GSTZ1: variants seen among roughly 807,000 people sequenced by gnomAD.
GSTZ1 encodes glutathione S-transferase zeta 1.
Under a neutral mutation model 35.9 loss-of-function variants are expected in GSTZ1, and 34 were observed. The ratio of observed to expected loss-of-function variants is 0.95; its 90% confidence interval spans 0.72 to 1.26. The LOEUF (loss-of-function observed/expected upper bound fraction) is 1.26, where lower values mean the gene tolerates loss of function less well. Ranked by LOEUF, GSTZ1 falls within the 50% of genes most tolerant of loss-of-function variation. GSTZ1 has a pLI of 0.00. For synonymous variants in GSTZ1, 93 were observed against 101.2 expected, an observed-to-expected ratio of 0.92 and a Z score of 0.49; for missense variants, 263 against 271.7, an observed-to-expected ratio of 0.97 and a Z score of 0.23.
In GSTZ1 at chr14:77,329,268, G is replaced by C. The variant is rs780273592; in HGVS notation, c.421+67G>C. On this transcript the variant is annotated intron_variant, in intron 6 of 8. Transcript: ENST00000216465. The stretch of plus-strand genomic sequence containing the variant: ...AGAGGTATGGCCCTCGCACACAGGG[G>C]CCTGGGTATCTGAACCAGCCTCCCA... 5 of 1,065,622 alleles carry C rather than the reference G, an allele frequency of 4.7e-6. No homozygotes were observed. The African/African-American group carries it at 6.2e-5, about 13-fold the overall frequency. 66.0% of individuals were successfully genotyped at this position (1,065,622 alleles called of 1,614,324 possible).
At chr14:77,328,073 GAC>G (rs779434382) in intron 5 of GSTZ1, 36 bp downstream of exon 5, 45 of 1,610,072 alleles carry the variant, frequency 2.8e-5, no homozygotes, top group Non-Finnish European at 2.2e-5. Context: ...TTGCACACCT[GAC>G]ACACTCTTAC....
At position 77,331,049 on chromosome 14, in the gene GSTZ1, C is replaced by T; in HGVS notation, c.525-20C>T. ...TGTGTCCCTGAAAACCTTAGCTTAG[C>T]AGGTGTTTCTCTACTACAGATTCAA... On this transcript the variant is annotated intron_variant, in intron 8 of 8. Transcript: ENST00000216465. The T allele has an allele frequency of 6.2e-7, 1 of 1,610,360 alleles. No individual in the cohort carries two copies. Among genetic ancestry groups the T allele is most frequent in the Non-Finnish European group, 8.5e-7 (1 of 1,177,204 alleles).
chr14:77,324,152 CT>C (rs11287763), intron 1 of GSTZ1: 32,659 of 117,496 alleles, frequency 0.28, 2,761 homozygotes, highest in East Asian at 0.32. Context: ...AAAAAAATGC[CT>C]TTTTTTTTTT....
At chr14:77,326,040 G>A (rs1892298721) in intron 2 of GSTZ1, 1 of 152,308 alleles carries the variant, frequency 6.6e-6, no homozygotes, top group Admixed American at 6.5e-5. Flanking sequence ...TGACATGTCT[G>A]GTCCTCCTCC....
intron 7 of GSTZ1, 103 bp from the exon 8 acceptor site, chr14:77,330,207 G>A (rs757649333): frequency 2.4e-6 from 2 of 849,828 alleles, no homozygotes; most frequent in South Asian, 1.3e-5. Flanking sequence ...AAGAGCCGAA[G>A]CAGATTGTTG....
chr14:77,325,888 A>T (rs966894666), intron 2 of GSTZ1: 1 of 152,242 alleles, frequency 6.6e-6, no homozygotes, highest in Non-Finnish European at 1.5e-5. Context: ...AAGCCGGAGC[A>T]ATATAGGTGC....
intron 1 of GSTZ1, chr14:77,321,476 C>G (rs754024163): frequency 1.3e-6 from 2 of 1,488,342 alleles, no homozygotes; most frequent in Admixed American, 2.1e-5. Flanking sequence ...CATAACAGAC[C>G]CCTCCCTCCA....
At chr14:77,328,226 C>T (rs1371005735) in intron 5 of GSTZ1, 189 bp downstream of exon 5, 3 of 624,396 alleles carry the variant, frequency 4.8e-6, no homozygotes, top group Non-Finnish European at 8.3e-6. Context: ...CCCAGCGGGT[C>T]CCCCGCTGCG....
intron 1 of GSTZ1, chr14:77,324,287 C>T: frequency 2.6e-6 from 1 of 389,092 alleles, no homozygotes; most frequent in Non-Finnish European, 4.9e-6. Context: ...AGATTACAGG[C>T]ACCCACTACC....
Position 77,329,395 on chromosome 14 carries a change from G to A in GSTZ1, c.421+194G>A, listed in dbSNP as rs116741076. The A allele has an allele frequency of 1.6e-3, 987 of 609,890 alleles. 9 individuals carry two copies. In the African/African-American group the frequency reaches 0.016, roughly 10 times the overall value. The allele number at this position is 609,890 out of a possible 1,614,324, so 37.8% of individuals were successfully genotyped here. ...TAGCTCCAGCACTTCTGGGAACCTC[G>A]GTCCCTGAGCCCACAGCCCTTCATA... is the stretch of plus-strand genomic sequence containing the variant. On this transcript the variant is annotated intron_variant, in intron 6 of 8. Transcript: ENST00000216465.
At chr14:77,327,184 G>T in intron 3 of GSTZ1, 3 of 594,446 alleles carry the variant, frequency 5.0e-6, no homozygotes, top group Non-Finnish European at 9.0e-6. Context: ...ACCCCATACT[G>T]GGCCCTCTGG....
intron 6 of GSTZ1, 36 bp downstream of exon 6, chr14:77,329,237 C>G (rs778152963): frequency 3.0e-5 from 40 of 1,354,730 alleles, no homozygotes; most frequent in Non-Finnish European, 4.2e-5. Context: ...CCCACAGTGG[C>G]CTCTTAGAGG....
intron 1 of GSTZ1, chr14:77,321,485 C>T (rs1232053993): frequency 1.6e-5 from 24 of 1,454,728 alleles, no homozygotes; most frequent in African/African-American, 2.8e-5. Flanking sequence ...CCCCTCCCTC[C>T]ACTAAGGCTT....
At chr14:77,329,288 C>A in intron 6 of GSTZ1, 87 bp downstream of exon 6, 2 of 924,630 alleles carry the variant, frequency 2.2e-6, no homozygotes, top group Non-Finnish European at 3.6e-6. Context: ...CTGAACCAGC[C>A]TCCCAGGCTG....
chr14:77,322,460 T>G (rs1892069066), intron 1 of GSTZ1: 1 of 298,590 alleles, frequency 3.3e-6, no homozygotes, highest in Non-Finnish European at 5.0e-6. Context: ...GTAGTACAGA[T>G]CCAAAGGTGT....
intron 6 of GSTZ1, 82 bp from the exon 7 acceptor site, chr14:77,329,673 A>T: frequency 9.1e-7 from 1 of 1,102,648 alleles, no homozygotes; most frequent in Non-Finnish European, 1.4e-6. Context: ...CGCCCATTTC[A>T]TAACTATGGA....
Position 77,329,201 on chromosome 14 carries a change from G to A in GSTZ1, c.421G>A (p.Ala141Thr), listed in dbSNP as rs546296547. 18 of 1,591,202 alleles carry A rather than the reference G, an allele frequency of 1.1e-5. No individual in the cohort carries two copies. Among genetic ancestry groups the A allele is most frequent in the African/African-American group, 5.4e-5 (4 of 74,522 alleles). Residue 141 changes from alanine to threonine, a missense_variant and splice_region_variant, in exon 6 of 9, where the codon GCC (alanine) becomes ACC (threonine). Transcript: ENST00000216465. ...GAACGCCATCACTTGTGGCTTTAAC[G>A]GTGAGTCCTCACCTCTGTGAGCTGC... Reference protein sequence around the residue: ...AQNAITCGFNALEQILQSTAG... With the variant: ...AQNAITCGFNTLEQILQSTAG...
Position 77,327,893 on chromosome 14 carries a change from A to G in GSTZ1, c.217-19A>G. 6.2e-7 allele frequency: 1 copy of G among 1,613,472 alleles called. No individual in the cohort carries two copies. The highest frequency in any genetic ancestry group is 8.5e-7 in the Non-Finnish European group (1 of 1,179,764). ...GGGTCCTGGGCCCTCTCCCTGCCTC[A>G]CTGCTCCCCTCTGGACAGCTGGCCA... On this transcript the variant is annotated intron_variant, in intron 4 of 8. Transcript: ENST00000216465.
chr14:77,321,587 T>G (rs986794431), intron 1 of GSTZ1: 37 of 1,169,734 alleles, frequency 3.2e-5, no homozygotes, highest in Non-Finnish European at 4.0e-5. Flanking sequence ...AATGTTTGTA[T>G]TTTAAGAGTC....
Sources: gnomAD v4.1 joint callset for allele counts on GRCh38, gnomAD v4.1.1 for gene constraint, MANE v1.5 for transcripts, NCBI Gene and HGNC (gene_info 2026-07-23, HGNC 2026-07-21) for gene names.